Variants in ESR1 observed in about 807,000 individuals in gnomAD.
ESR1 encodes the protein estrogen receptor.
Under a neutral mutation model 52.7 loss-of-function variants are expected in ESR1, and 12 were observed. The ratio of observed to expected loss-of-function variants is 0.23; its 90% CI spans 0.15 to 0.37. ESR1 has a LOEUF of 0.37. ESR1 is among the 10% of genes least tolerant of loss of function. ESR1 has a pLI of 1.00. For synonymous variants in ESR1, 305 were observed against 316.8 expected, an observed-to-expected ratio of 0.96 and a Z score of 0.39; for missense variants, 584 against 779.7, an observed-to-expected ratio of 0.75 and a Z score of 2.99.
rs564023307 is a variant in ESR1, at chr6:152,098,890, C to T, written c.1712C>T (p.Ala571Val). 1.6e-5 allele frequency: 26 copies of T among 1,614,188 alleles called. No homozygotes were observed. Among genetic ancestry groups the T allele is most frequent in the Middle Eastern group, 3.3e-4 (2 of 6,062 alleles). ...ACGGACCAAAGCCACTTGGCCACTG[C>T]GGGCTCTACTTCATCGCATTCCTTG... ...EETDQSHLATAGSTSSHSLQK... is the reference protein window; with the variant it reads ...EETDQSHLATVGSTSSHSLQK... The change falls in exon 8 of 8, where the codon GCG becomes GTG. Residue 571 changes from alanine to valine, a missense_variant. Around this residue, in one of 6 missense-constraint regions of ESR1, gnomAD observed 71 missense variants for 66.1 expected, o/e 1.07. Transcript: ENST00000206249. The surrounding 1 kb of genome is among the most constrained non-coding windows in gnomAD (Gnocchi z 5.1).
intron 1 of ESR1, among the ~76,000 whole-genome samples, chr6:151,693,740 C>A (rs1241578800): frequency 6.6e-6 from 1 of 152,196 alleles, no homozygotes; most frequent in Non-Finnish European, 1.5e-5. Flanking sequence ...GCCTCAGCCT[C>A]CAGAGTAGCT....
intron 4 of ESR1, among the ~76,000 whole-genome samples, chr6:151,977,038 T>C (rs1281459115): frequency 6.6e-6 from 1 of 152,028 alleles, no homozygotes; most frequent in East Asian, 1.9e-4. Context: ...TGAAAACAAG[T>C]GTAAGTGCTA....
At chr6:152,081,247 T>A (rs9478287) in intron 6 of ESR1, among the ~76,000 whole-genome samples, 32,011 of 151,824 alleles carry the variant, frequency 0.21, 4,765 homozygotes, top group African/African-American at 0.41. Context: ...TCAGCAAATG[T>A]AAAAGAACAG....
intron 2 of ESR1, among the ~76,000 whole-genome samples, chr6:151,847,130 C>A (rs1041671475): frequency 3.3e-5 from 5 of 152,256 alleles, no homozygotes; most frequent in East Asian, 3.9e-4. Context: ...TGATCTTTGG[C>A]CAGGAAGACA....
At chr6:152,033,794 G>T (rs967206066) in intron 5 of ESR1, among the ~76,000 whole-genome samples, 1 of 152,114 alleles carries the variant, frequency 6.6e-6, no homozygotes, top group African/African-American at 2.4e-5. Flanking sequence ...CCATTACTGG[G>T]TATATACCCA....
intron 3 of ESR1, among the ~76,000 whole-genome samples, chr6:151,932,125 A>G (rs1308819177): frequency 4.0e-5 from 6 of 149,746 alleles, no homozygotes; most frequent in African/African-American, 1.2e-4. Context: ...TTGTTTCCTG[A>G]CTTTTTAATG....
intron 3 of ESR1, among the ~76,000 whole-genome samples, chr6:151,922,505 A>G (rs1465508547): frequency 6.6e-6 from 1 of 152,146 alleles, no homozygotes; most frequent in Non-Finnish European, 1.5e-5. Context: ...GTCCAATACT[A>G]TTTTATTTTG....
chr6:152,086,367 A>T (rs2049717043), intron 6 of ESR1, among the ~76,000 whole-genome samples: 1 of 150,270 alleles, frequency 6.7e-6, no homozygotes, highest in Non-Finnish European at 1.5e-5. Flanking sequence ...TATTTATTAC[A>T]AAATGTATTT....
chr6:151,768,620 G>A (rs1785252293), intron 2 of ESR1, among the ~76,000 whole-genome samples: 2 of 152,012 alleles, frequency 1.3e-5, no homozygotes, highest in East Asian at 3.9e-4. Context: ...GTTGTTTTTG[G>A]AAATACATGC....
At chr6:151,997,744 T>A (rs1252750752) in intron 4 of ESR1, among the ~76,000 whole-genome samples, 1 of 152,132 alleles carries the variant, frequency 6.6e-6, no homozygotes, top group Non-Finnish European at 1.5e-5. Context: ...TTGATAGAGT[T>A]CAAACTTTAA....
At chr6:151,981,001 C>A (rs2039943658) in intron 4 of ESR1, among the ~76,000 whole-genome samples, 1 of 152,198 alleles carries the variant, frequency 6.6e-6, no homozygotes, top group South Asian at 2.1e-4. Flanking sequence ...CACGCCCAGT[C>A]CATCTGAAGT....
intron 4 of ESR1, among the ~76,000 whole-genome samples, chr6:152,005,910 A>G (rs2042292189): frequency 6.6e-6 from 1 of 152,066 alleles, no homozygotes; most frequent in African/African-American, 2.4e-5. Flanking sequence ...GACGAAGGCT[A>G]TTGTAGCCTC....
At chr6:151,850,738 A>C (rs1786529670) in intron 2 of ESR1, among the ~76,000 whole-genome samples, 1 of 152,030 alleles carries the variant, frequency 6.6e-6, no homozygotes, top group Non-Finnish European at 1.5e-5. Context: ...CTGGGGAGTT[A>C]GTTATTTCCA....
intron 2 of ESR1, among the ~76,000 whole-genome samples, chr6:151,750,371 G>T (rs997948305): frequency 3.9e-5 from 6 of 152,176 alleles, no homozygotes; most frequent in Non-Finnish European, 8.8e-5. Context: ...CTGATGGACA[G>T]TTGGTGACTG....
chr6:151,897,738 T>G (rs141261958), intron 3 of ESR1, among the ~76,000 whole-genome samples: 131 of 152,318 alleles, frequency 8.6e-4, no homozygotes, highest in African/African-American at 3.0e-3. Flanking sequence ...TTGTTGCCTG[T>G]ATACCTTGGA....
At chr6:151,713,737 A>T (rs1398650840) in intron 2 of ESR1, among the ~76,000 whole-genome samples, 2 of 151,836 alleles carry the variant, frequency 1.3e-5, no homozygotes, top group Non-Finnish European at 2.9e-5. Context: ...TTTCTTCTTT[A>T]TTAGTCTGGC....
downstream of ESR1, among the ~76,000 whole-genome samples, chr6:152,105,626 A>G (rs2051055857): frequency 6.6e-6 from 1 of 151,456 alleles, no homozygotes; most frequent in South Asian, 2.1e-4. Flanking sequence ...GTGTTTCACC[A>G]TGTTGGGAAG....
intron 6 of ESR1, among the ~76,000 whole-genome samples, chr6:152,068,750 C>T (rs2048164359): frequency 1.3e-5 from 2 of 152,238 alleles, no homozygotes; most frequent in South Asian, 2.1e-4. Context: ...CTGGCATCGA[C>T]AATTGAATTT....
At chr6:151,734,492 G>A (rs1782489340) in intron 2 of ESR1, among the ~76,000 whole-genome samples, 1 of 152,120 alleles carries the variant, frequency 6.6e-6, no homozygotes, top group Non-Finnish European at 1.5e-5. Flanking sequence ...CCCCACTTGT[G>A]CCTTGCTCAG....
Sources: gnomAD v4.1 joint callset for allele counts (sites outside exome capture counted in the v4.1 genomes callset) on GRCh38, gnomAD v4.1.1 for gene constraint, gnomAD v4.1.1 regional missense constraint, Gnocchi (gnomAD v3.1) non-coding constraint, MANE v1.5 for transcripts, NCBI Gene and HGNC (gene_info 2026-07-23, HGNC 2026-07-21) for gene names.